The following PKD1L3 variants were observed in gnomAD, a reference collection of about 807,000 sequenced individuals.
The protein encoded by PKD1L3 is polycystin 1 like 3, transient receptor potential channel interacting, also known as polycystin-1-like protein 3.
In PKD1L3, 239 loss-of-function variants were observed where a neutral mutation model predicts 184.1. That is an observed-to-expected ratio of 1.30 (90% CI 1.17 to 1.45). The LOEUF (loss-of-function observed/expected upper bound fraction) is 1.45, where lower values mean the gene tolerates loss of function less well. PKD1L3 is among the 40% of genes most tolerant of loss of function. The probability of loss-of-function intolerance (pLI) is 0.00; values close to 1 mark genes in which losing one functional copy is unlikely to be tolerated. For missense variants in PKD1L3, 2,660 were observed against 2,067.2 expected (o/e 1.29, Z -5.56); for synonymous variants, 996 against 778.8 (o/e 1.28, Z -4.64).
intron 11 of PKD1L3, among the ~76,000 whole-genome samples, chr16:71,976,824 G>C (rs2039943153): frequency 6.6e-6 from 1 of 151,846 alleles, no homozygotes; most frequent in Admixed American, 6.6e-5. Context: ...CTCACTGCAA[G>C]CTCCGTCTCC....
intron 5 of PKD1L3, 131 bp from the exon 6 acceptor site, chr16:71,984,298 C>A: frequency 1.2e-6 from 1 of 830,952 alleles, no homozygotes. Context: ...CTCTCTAAAA[C>A]AGTGATTACT....
chr16:71,978,920 G>A (rs1241206397), intron 9 of PKD1L3, among the ~76,000 whole-genome samples: 3 of 152,026 alleles, frequency 2.0e-5, no homozygotes, highest in Admixed American at 6.6e-5. Flanking sequence ...TAACCTCTAT[G>A]AGAAACAGTA....
chr16:71,987,563 G>A (rs1275374451), intron 4 of PKD1L3, among the ~76,000 whole-genome samples: 1 of 151,964 alleles, frequency 6.6e-6, no homozygotes, highest in East Asian at 1.9e-4. Context: ...AGTAGAGACA[G>A]GGTTTCACCA....
intron 9 of PKD1L3, among the ~76,000 whole-genome samples, 163 bp downstream of exon 9, chr16:71,979,623 G>A (rs1027001866): frequency 6.6e-6 from 1 of 152,134 alleles, no homozygotes; most frequent in Non-Finnish European, 1.5e-5. Context: ...TTTTTAAGAG[G>A]CCTCTATCCC....
At chr16:71,960,541 T>C (rs2039236980) in intron 16 of PKD1L3, among the ~76,000 whole-genome samples, 1 of 140,058 alleles carries the variant, frequency 7.1e-6, no homozygotes, top group African/African-American at 2.6e-5. Flanking sequence ...ACCTATATAA[T>C]AAAAAAAAAA....
chr16:71,973,253 G>A (rs1177924024), intron 12 of PKD1L3, 71 bp downstream of exon 12: 5 of 1,463,842 alleles, frequency 3.4e-6, no homozygotes, highest in African/African-American at 1.4e-5. Flanking sequence ...CCCCAAATGA[G>A]ATAACGGATG....
chr16:71,968,096 C>G, intron 13 of PKD1L3, 89 bp from the exon 14 acceptor site: 2 of 1,051,920 alleles, frequency 1.9e-6, no homozygotes, highest in East Asian at 2.6e-5. Flanking sequence ...AGGATGAACT[C>G]CGGCAGGTGT....
At position 71,984,152 on chromosome 16, in the gene PKD1L3, C is replaced by G; in HGVS notation, c.850G>C (p.Ala284Pro). 1 of 1,551,386 alleles carries G rather than the reference C, an allele frequency of 6.4e-7. No homozygotes were observed. Among genetic ancestry groups the G allele is most frequent in the South Asian group, 1.2e-5 (1 of 84,052 alleles). Reference protein sequence around the residue: ...KASGQVIDEIAGNFSRAVHGL... With the variant: ...KASGQVIDEIPGNFSRAVHGL... ...TGAACTGCTCTGCTGAAGTTCCCTG[C>G]TATCTCATCTATGACCTATTGGGAA... Residue 284 changes from alanine (A) to proline (P), a missense_variant, in exon 6 of 30, where the codon GCA becomes CCA. Ala to Pro is a conservative substitution (Grantham distance 27). Coordinates refer to ENST00000620267, the MANE Select transcript of PKD1L3 (RefSeq NM_181536.2).
At position 71,982,061 on chromosome 16, in the gene PKD1L3, G is replaced by A. The variant is rs928913057; in HGVS notation, c.1141C>T (p.Pro381Ser). 1.9e-6 allele frequency: 3 copies of A among 1,542,648 alleles called. No individual in the cohort carries two copies. Among genetic ancestry groups the A allele is most frequent in the Admixed American group, 2.1e-5 (1 of 48,714 alleles). ...SWLESKRHTE[P>S]VEDILEMSLV... The stretch of plus-strand genomic sequence containing the variant: ...CCACCTGCATATCTGGCACCTACCG[G>A]CTCAGTATGACGCTTGGATTCCAGC... The change falls in exon 7 of 30, where the codon CCG (proline) becomes TCG (serine). Residue 381 changes from proline (P) to serine (S), a missense_variant and splice_region_variant. By Grantham distance (74) the Pro-to-Ser change is moderately conservative. Coordinates refer to ENST00000620267, the MANE Select transcript of PKD1L3 (RefSeq NM_181536.2).
rs1000672769 is a variant in PKD1L3, at chr16:71,950,103, G to A, written c.3383+15C>T. The A allele has an allele frequency of 1.9e-6, 3 of 1,549,934 alleles. No homozygotes were observed. Among genetic ancestry groups the A allele is most frequent in the Non-Finnish European group, 2.6e-6 (3 of 1,145,442 alleles). Reference sequence around the variant, plus strand: ...AGATTACAGGGGATAAAGAAGGCTTGGTGTGGTGCATTACCTGGATGGCTC... The same window carrying A: ...AGATTACAGGGGATAAAGAAGGCTTAGTGTGGTGCATTACCTGGATGGCTC... On this transcript the variant is annotated intron_variant, in intron 20 of 29. Transcript: ENST00000620267.
chr16:71,932,619 G>A lies in PKD1L3; in HGVS notation c.4926+801C>T, dbSNP rs549247764. On this transcript the variant is annotated intron_variant, in intron 28 of 29. Coordinates refer to ENST00000620267, the MANE Select transcript of PKD1L3 (RefSeq NM_181536.2). ...CTCCTGAGGAGCTGGGATTACAGGT[G>A]TGCACCACCACGCCTGGCTAGGCTA... 3.3e-5 allele frequency among the ~76,000 whole-genome samples: 5 copies of A among 151,990 alleles called. No individual in the cohort carries two copies. The East Asian group carries it at 9.7e-4, about 30-fold the overall frequency.
At chr16:71,996,285 C>T (rs1348677799) in intron 2 of PKD1L3, among the ~76,000 whole-genome samples, 7 of 109,426 alleles carry the variant, frequency 6.4e-5, no homozygotes, top group South Asian at 3.3e-4. Flanking sequence ...TTTTCTGAGA[C>T]GGAGTCTTGC....
At chr16:71,985,689 C>T (rs1193600847) in intron 5 of PKD1L3, among the ~76,000 whole-genome samples, 1 of 152,192 alleles carries the variant, frequency 6.6e-6, no homozygotes, top group East Asian at 1.9e-4. Context: ...ACCTCGGCCT[C>T]CCAAAGTGCT....
At position 71,944,027 on chromosome 16, in the gene PKD1L3, T is replaced by A. The variant is rs1015528491; in HGVS notation, c.3859+3A>T. On this transcript the variant is annotated splice_donor_region_variant and intron_variant, in intron 23 of 29. Transcript: ENST00000620267. ...TCAGTATGTTGCCATTTCCTCTCCATACCCAAAATATCTCCAGTCAGCTTG... is the reference window on the plus strand; with the variant it reads ...TCAGTATGTTGCCATTTCCTCTCCAAACCCAAAATATCTCCAGTCAGCTTG... 5.8e-6 allele frequency: 9 copies of A among 1,550,840 alleles called. No homozygotes were observed. Among genetic ancestry groups the A allele is most frequent in the Non-Finnish European group, 7.8e-6 (9 of 1,146,778 alleles).
At chr16:71,982,259 T>C (rs2040190606) in intron 6 of PKD1L3, 24 bp from the exon 7 acceptor site, 2 of 842,688 alleles carry the variant, frequency 2.4e-6, no homozygotes, top group South Asian at 3.5e-5. Context: ...AAAGCAAACA[T>C]ACACCCTTGA....
At chr16:71,982,270 A>ATTTT (rs770754135) in intron 6 of PKD1L3, 35 bp from the exon 7 acceptor site, 6 of 730,302 alleles carry the variant, frequency 8.2e-6, no homozygotes, top group South Asian at 8.0e-5. Flanking sequence ...ACACCCTTGA[A>ATTTT]TTGTTTGCTT....
At chr16:71,945,327 T>C (rs559081547) in intron 22 of PKD1L3, among the ~76,000 whole-genome samples, 34 of 65,554 alleles carry the variant, frequency 5.2e-4, no homozygotes, top group East Asian at 4.5e-3. Flanking sequence ...CACACATATA[T>C]ACACACACAC....
At chr16:71,936,885 C>T (rs770807111) in intron 25 of PKD1L3, among the ~76,000 whole-genome samples, 1 of 152,078 alleles carries the variant, frequency 6.6e-6, no homozygotes, top group Non-Finnish European at 1.5e-5. Context: ...TTCTTTAGCT[C>T]CTGAAAAATT....
Position 71,953,059 on chromosome 16 carries a change from C to G in PKD1L3, c.2844G>C (p.Leu948=). The G allele has an allele frequency of 6.5e-7, 1 of 1,532,508 alleles. No homozygotes were observed. The highest frequency in any genetic ancestry group is 2.5e-5 in the East Asian group (1 of 39,660). 94.9% of individuals were successfully genotyped at this position (1,532,508 alleles called of 1,614,324 possible). ...GGATGACAGCAGTATGGATGCTGAC[C>G]AGCAGTTCAGACCAGGCCACAGCAA... is the stretch of plus-strand genomic sequence containing the variant. ...RPFAVAWSEL[L]VSIHTAVILF... is the part of the protein sequence containing the mutation. Residue 948 remains leucine, a synonymous_variant, in exon 18 of 30, where the codon CTG becomes CTC. Transcript: ENST00000620267.
Sources: gnomAD v4.1 joint callset for allele counts (sites outside exome capture counted in the v4.1 genomes callset) on GRCh38, gnomAD v4.1.1 for gene constraint, MANE v1.5 for transcripts, NCBI Gene and HGNC (gene_info 2026-07-23, HGNC 2026-07-21) for gene names.